Variants in HDAC9 observed in about 807,000 individuals in gnomAD.
HDAC9 encodes MEF-2 interacting transcription repressor (MITR) protein.
HDAC9 carries 41 observed loss-of-function variants against 139.4 expected under a neutral mutation model. That is an observed-to-expected ratio of 0.29 (90% CI 0.23 to 0.38). The LOEUF is 0.38. HDAC9 is among the 10% of genes least tolerant of loss of function. HDAC9 has a pLI of 1.00. For missense variants in HDAC9, 1,147 were observed against 1,297.0 expected (o/e 0.88, Z 1.78); for synonymous variants, 517 against 476.2 (o/e 1.09, Z -1.12).
At chr7:18,288,595 T>G (rs1797603567), upstream of HDAC9, among the ~76,000 whole-genome samples, 1 of 152,198 alleles carries the variant, frequency 6.6e-6, no homozygotes, top group African/African-American at 2.4e-5. Flanking sequence ...TGGAGCACTT[T>G]ATGATTAAAA....
intron 9 of HDAC9, among the ~76,000 whole-genome samples, chr7:18,645,713 A>G (rs1179555692): frequency 1.3e-5 from 2 of 152,184 alleles, no homozygotes; most frequent in African/African-American, 2.4e-5. Context: ...TTGTATATAT[A>G]CAGGGGTCAT....
chr7:18,485,544 G>A (rs1463601911), intron 1 of HDAC9, among the ~76,000 whole-genome samples: 4 of 150,830 alleles, frequency 2.7e-5, no homozygotes, highest in South Asian at 2.1e-4. Context: ...ATGTTAGTTC[G>A]GCAATACAGA....
intron 12 of HDAC9, among the ~76,000 whole-genome samples, chr7:18,675,898 C>T (rs761565767): frequency 6.6e-6 from 1 of 152,030 alleles, no homozygotes; most frequent in Non-Finnish European, 1.5e-5. Flanking sequence ...TCTCCTCTCA[C>T]CTCCCATAAA....
At chr7:18,957,425 A>G (rs1001102861) in intron 24 of HDAC9, among the ~76,000 whole-genome samples, 13 of 152,130 alleles carry the variant, frequency 8.5e-5, no homozygotes, top group African/African-American at 2.7e-4. Flanking sequence ...ATTTCCTTAC[A>G]AGATATGAAA....
At chr7:18,373,429 G>A (rs1257544694) in intron 1 of HDAC9, among the ~76,000 whole-genome samples, 1 of 152,140 alleles carries the variant, frequency 6.6e-6, no homozygotes, top group African/African-American at 2.4e-5. Context: ...GATAATAATA[G>A]TGACTGCATA....
At chr7:18,552,717 A>G (rs1817546879) in intron 2 of HDAC9, among the ~76,000 whole-genome samples, 1 of 152,188 alleles carries the variant, frequency 6.6e-6, no homozygotes, top group Non-Finnish European at 1.5e-5. Flanking sequence ...ACTGCAGTGT[A>G]TATTTTGAGC....
intron 24 of HDAC9, among the ~76,000 whole-genome samples, chr7:18,974,849 C>T (rs1330907181): frequency 6.6e-6 from 1 of 152,206 alleles, no homozygotes; most frequent in Admixed American, 6.5e-5. Context: ...GTCCAGAACC[C>T]TGTTATCTTA....
At chr7:18,842,231 T>C (rs1796630524) in intron 21 of HDAC9, among the ~76,000 whole-genome samples, 1 of 152,106 alleles carries the variant, frequency 6.6e-6, no homozygotes, top group Non-Finnish European at 1.5e-5. Flanking sequence ...CCCAAGGATG[T>C]TGAAGACAGT....
intron 2 of HDAC9, among the ~76,000 whole-genome samples, chr7:18,232,861 C>G (rs114406856): frequency 5.7e-4 from 87 of 152,308 alleles, no homozygotes; most frequent in African/African-American, 1.8e-3. Flanking sequence ...AATAAATCCA[C>G]TATTATCATT....
rs116821836 is a variant in HDAC9 at position 18,982,378 on chromosome 7, C to G, written c.3170+6425C>G. 2.5e-3 allele frequency among the ~76,000 whole-genome samples: 386 copies of G among 152,216 alleles called. 3 individuals carry two copies. Among genetic ancestry groups the G allele is most frequent in the African/African-American group, 8.9e-3 (369 of 41,544 alleles). ...CCATTAACATAAAGATCATCATCTT[C>G]AATAGGCTCCATAAGGTCTGTATTA... On this transcript the variant is annotated intron_variant, in intron 25 of 25. Coordinates refer to ENST00000686413, the MANE Select transcript of HDAC9 (RefSeq NM_178425.4).
intron 23 of HDAC9, among the ~76,000 whole-genome samples, chr7:18,946,613 A>T (rs983613147): frequency 6.6e-6 from 1 of 152,136 alleles, no homozygotes; most frequent in Non-Finnish European, 1.5e-5. Context: ...AACCAAGAAG[A>T]TAAAACAATT....
chr7:18,968,900 A>C (rs1784062743), intron 24 of HDAC9, among the ~76,000 whole-genome samples: 2 of 136,272 alleles, frequency 1.5e-5, no homozygotes, highest in South Asian at 4.9e-4. Flanking sequence ...CAGAGCTTGC[A>C]GTGAGCCGAG....
Position 18,719,509 on chromosome 7 carries a change from T to A in HDAC9, c.1732-8071T>A, listed in dbSNP as rs150977204. On this transcript the variant is annotated intron_variant, in intron 12 of 25. Coordinates refer to ENST00000686413, the MANE Select transcript of HDAC9 (RefSeq NM_178425.4). ...CTCACACCACCACGCCCAGCTAATT[T>A]TTGTATTTTTAGTTGAGATGTGGTT... 4.7e-4 allele frequency among the ~76,000 whole-genome samples: 72 copies of A among 152,106 alleles called. No homozygotes were observed. In the East Asian group the frequency reaches 0.01, roughly 21 times the overall value.
chr7:18,481,096 A>G (rs938762958), intron 1 of HDAC9, among the ~76,000 whole-genome samples: 3 of 152,058 alleles, frequency 2.0e-5, no homozygotes, highest in African/African-American at 4.8e-5. Flanking sequence ...TTGTCCATCC[A>G]CTGTGGCGGC....
intron 12 of HDAC9, among the ~76,000 whole-genome samples, chr7:18,702,058 G>T (rs1174377653): frequency 6.6e-6 from 1 of 152,118 alleles, no homozygotes; most frequent in Non-Finnish European, 1.5e-5. Context: ...AACACTTTCT[G>T]CTAAGTTGCA....
intron 12 of HDAC9, among the ~76,000 whole-genome samples, chr7:18,682,566 T>C (rs1781961777): frequency 6.6e-6 from 1 of 152,064 alleles, no homozygotes; most frequent in South Asian, 2.1e-4. Context: ...ACACCCATGT[T>C]CTCTAAATAA....
rs540455675 is a variant in HDAC9 at position 18,817,097 on chromosome 7, C to T, written c.2323-12064C>T. Among the ~76,000 whole-genome samples, 10 of 150,270 alleles carry T rather than the reference C, an allele frequency of 6.7e-5. No homozygotes were observed. The South Asian group carries it at 1.9e-3, about 29-fold the overall frequency. ...TCGCCCAGGCTGGAGTACAGTGGTG[C>T]GATCTGGGCTCACTGCAAGCTCCGC... On this transcript the variant is annotated intron_variant, in intron 17 of 25. Transcript: ENST00000686413.
chr7:18,473,175 T>C lies in HDAC9; in HGVS notation c.-41-23087T>C, dbSNP rs112278068. Among the ~76,000 whole-genome samples, 1,313 of 152,244 alleles carry C rather than the reference T, an allele frequency of 8.6e-3. 20 individuals are homozygous for C. Among genetic ancestry groups the C allele is most frequent in the African/African-American group, 0.03 (1,233 of 41,542 alleles). ...CTTAACACCCATTCAAAAAAAGGCA[T>C]TGGGGATTTGCAGCAACTTTTATAC... is the stretch of plus-strand genomic sequence containing the variant. On this transcript the variant is annotated intron_variant, in intron 1 of 3. Coordinates refer to the HDAC9 transcript ENST00000413509.
intron 1 of HDAC9, among the ~76,000 whole-genome samples, chr7:18,407,634 G>C (rs1039699017): frequency 6.6e-6 from 1 of 152,152 alleles, no homozygotes; most frequent in Non-Finnish European, 1.5e-5. Flanking sequence ...TTACAATGCA[G>C]TTTGAATTCT....
Sources: allele counts gnomAD v4.1 joint callset (sites outside exome capture counted in the v4.1 genomes callset), GRCh38; gene constraint gnomAD v4.1.1; transcripts MANE v1.5; gene names NCBI Gene and HGNC (gene_info 2026-07-23, HGNC 2026-07-21).